The following SEMA5B variants were observed in gnomAD, a reference collection of about 807,000 sequenced individuals.
The protein encoded by SEMA5B is semaphorin 5B, also known as semaphorin-5B.
A neutral mutation model predicts 135.0 loss-of-function variants in SEMA5B; 66 were observed. The observed-to-expected ratio is 0.49, with a 90% confidence interval of 0.40 to 0.60. The LOEUF (loss-of-function observed/expected upper bound fraction) is 0.60. SEMA5B is among the 20% of genes least tolerant of loss of function. The pLI is 0.00. For synonymous variants in SEMA5B, 690 were observed against 639.5 expected (o/e 1.08, Z -1.19); for missense variants, 1,501 against 1,566.3 (o/e 0.96, Z 0.70).
chr3:122,979,737 G>C (rs773461876), intron 1 of SEMA5B, among the ~76,000 whole-genome samples: 1 of 152,154 alleles, frequency 6.6e-6, no homozygotes, highest in African/African-American at 2.4e-5. Context: ...CCCAAGGCCG[G>C]GACCGTGTTG....
chr3:123,000,080 C>A (rs1309081861), intron 1 of SEMA5B, among the ~76,000 whole-genome samples: 3 of 152,132 alleles, frequency 2.0e-5, no homozygotes, highest in African/African-American at 7.2e-5. Flanking sequence ...TGGTGGCACA[C>A]GCCTGTAGTC....
intron 5 of SEMA5B, among the ~76,000 whole-genome samples, chr3:122,931,090 A>G (rs759884233): frequency 1.3e-5 from 2 of 152,182 alleles, no homozygotes; most frequent in African/African-American, 2.4e-5. Context: ...TGATGCACAG[A>G]GTTTAAAAAG....
At chr3:123,021,764 G>A (rs937622638) in intron 1 of SEMA5B, among the ~76,000 whole-genome samples, 13 of 152,166 alleles carry the variant, frequency 8.5e-5, no homozygotes, top group African/African-American at 2.7e-4. Context: ...ATGGTCAGCC[G>A]GTAACACACA....
At chr3:123,019,487 G>A (rs550889091) in intron 1 of SEMA5B, among the ~76,000 whole-genome samples, 2 of 152,316 alleles carry the variant, frequency 1.3e-5, no homozygotes, top group African/African-American at 4.8e-5. Flanking sequence ...TACTTGGGAG[G>A]TTGAGATGGG....
chr3:122,974,920 G>A (rs1440176790), intron 1 of SEMA5B, among the ~76,000 whole-genome samples: 2 of 152,104 alleles, frequency 1.3e-5, no homozygotes, highest in Non-Finnish European at 2.9e-5. Flanking sequence ...TGCAGGCCCA[G>A]CCCCCACCCC....
Position 122,910,283 on chromosome 3 carries a change from A to C in SEMA5B, c.3316T>G (p.Leu1106Val), listed in dbSNP as rs1937622404. The C allele has an allele frequency of 1.2e-6, 2 of 1,614,036 alleles. No individual in the cohort carries two copies. Among genetic ancestry groups the C allele is most frequent in the South Asian group, 2.2e-5 (2 of 91,074 alleles). ...AAGTTGGCTCTGTCATCAGGGATCA[A>C]GTTATTCTTGTTCAGGGTCTGTGGG... ...MEFKTLNKNN[L>V]IPDDRANFYP... Residue 1106 changes from leucine (L) to valine (V), a missense_variant, in exon 23 of 23, where the codon TTG becomes GTG. By Grantham distance (32) the Leu-to-Val change is conservative. Around this residue, in one of 2 missense-constraint regions of SEMA5B, gnomAD observed 927 missense variants for 881.6 expected, o/e 1.05. Transcript: ENST00000357599.
intron 4 of SEMA5B, among the ~76,000 whole-genome samples, chr3:122,942,039 G>T (rs893030863): frequency 3.9e-5 from 6 of 152,126 alleles, no homozygotes; most frequent in Non-Finnish European, 7.3e-5. Flanking sequence ...CTTCAGTCAG[G>T]GGTCCTGCTT....
intron 11 of SEMA5B, 58 bp from the exon 12 acceptor site, chr3:122,922,180 C>A (rs1369466220): frequency 6.4e-7 from 1 of 1,566,938 alleles, no homozygotes; most frequent in Non-Finnish European, 8.7e-7. Context: ...AGCTTGCAGC[C>A]CCGCGCCGTC....
chr3:122,984,449 A>G (rs1297206142), intron 1 of SEMA5B, among the ~76,000 whole-genome samples: 1 of 152,174 alleles, frequency 6.6e-6, no homozygotes, highest in African/African-American at 2.4e-5. Context: ...GGGGCTGCCA[A>G]TATGCCCATG....
Position 122,966,857 on chromosome 3 carries a change from CTATTACTATTAT to C in SEMA5B, c.-38-5568_-38-5557del, listed in dbSNP as rs1463067862. On this transcript the variant is annotated intron_variant, in intron 1 of 22. Coordinates refer to ENST00000357599, the MANE Select transcript of SEMA5B (RefSeq NM_001031702.4). ...ACAGGCGTGAGCCACCACACCCGGC[CTATTACTATTAT>C]TATTATTATTATTATTATTATTATT... is the stretch of plus-strand genomic sequence containing the variant. Among the ~76,000 whole-genome samples the C allele has an allele frequency of 3.2e-3, 282 of 88,194 alleles. 2 individuals carry two copies. Among genetic ancestry groups the C allele is most frequent in the African/African-American group, 0.014 (187 of 13,838 alleles). The allele number at this position is 88,194 out of a possible 152,430, so 57.9% of individuals were successfully genotyped here. A position where few individuals can be genotyped will look rare whatever the true frequency, so the allele number is the denominator to read the frequency against.
intron 1 of SEMA5B, among the ~76,000 whole-genome samples, chr3:122,995,793 G>A (rs1942009935): frequency 6.6e-6 from 1 of 152,170 alleles, no homozygotes; most frequent in Non-Finnish European, 1.5e-5. Flanking sequence ...TTTGAAATGA[G>A]ACCAGATTTG....
intron 3 of SEMA5B, among the ~76,000 whole-genome samples, chr3:122,946,262 G>A (rs1371747064): frequency 6.6e-6 from 1 of 152,150 alleles, no homozygotes; most frequent in Non-Finnish European, 1.5e-5. Flanking sequence ...GAGAAACACA[G>A]CTTGGCCCCC....
intron 12 of SEMA5B, among the ~76,000 whole-genome samples, chr3:122,920,998 C>A (rs572682345): frequency 3.9e-5 from 6 of 152,234 alleles, no homozygotes; most frequent in African/African-American, 7.2e-5. Context: ...GAGACTCCCC[C>A]TCCTTGGCTG....
At position 122,915,238 on chromosome 3, in the gene SEMA5B, G is replaced by A. The variant is rs563568465; in HGVS notation, c.1988+202C>T. On this transcript the variant is annotated intron_variant, in intron 14 of 22. Transcript: ENST00000357599. ...TTGCATCAAGAGTCACCAAGAGATAGAAACTTCTCTCTCACTAGCGTGGAA... is the reference window on the plus strand; with the variant it reads ...TTGCATCAAGAGTCACCAAGAGATAAAAACTTCTCTCTCACTAGCGTGGAA... Among the ~76,000 whole-genome samples the A allele has an allele frequency of 3.3e-5, 5 of 152,342 alleles. No homozygotes were observed. In the South Asian group the frequency reaches 8.3e-4, roughly 25 times the overall value.
intron 1 of SEMA5B, among the ~76,000 whole-genome samples, chr3:122,974,045 G>A (rs1292371579): frequency 6.6e-6 from 1 of 152,200 alleles, no homozygotes; most frequent in Non-Finnish European, 1.5e-5. Flanking sequence ...TCAGTGCCCA[G>A]ATCCATCTGG....
intron 1 of SEMA5B, among the ~76,000 whole-genome samples, chr3:122,987,742 G>A (rs1941746725): frequency 3.3e-5 from 5 of 152,210 alleles, no homozygotes. Flanking sequence ...GGGACTGGGA[G>A]AAGAGAGCCA....
At chr3:122,918,510 G>T (rs996023954) in intron 12 of SEMA5B, among the ~76,000 whole-genome samples, 3 of 152,186 alleles carry the variant, frequency 2.0e-5, no homozygotes, top group East Asian at 1.9e-4. Context: ...GGCCACTTTT[G>T]TCAAGATTCC....
chr3:122,978,907 C>G (rs748668504), intron 1 of SEMA5B, among the ~76,000 whole-genome samples: 1 of 152,192 alleles, frequency 6.6e-6, no homozygotes, highest in Non-Finnish European at 1.5e-5. Flanking sequence ...GTTTCCACCC[C>G]TTCTGTGCAA....
Position 122,939,443 on chromosome 3 carries a change from G to A in SEMA5B, c.456C>T (p.Ala152=), listed in dbSNP as rs1246618561. 1 of 1,612,246 alleles carries A rather than the reference G, an allele frequency of 6.2e-7. No homozygotes were observed. The highest frequency in any genetic ancestry group is 1.3e-5 in the African/African-American group (1 of 74,888). Residue 152 remains alanine (A), a synonymous_variant, in exon 5 of 23, where the codon GCC becomes GCT. Coordinates refer to ENST00000357599, the MANE Select transcript of SEMA5B (RefSeq NM_001031702.4). Reference sequence around the variant, plus strand: ...ATCGTACCTGAAGAAGAGAGACATTGGCAAGGCTGAGTCTGAAGAGGTAGT... The same window carrying A: ...ATCGTACCTGAAGAAGAGAGACATTAGCAAGGCTGAGTCTGAAGAGGTAGT... ...ARNYLFRLSL[A]NVSLLQATEW...
Sources: allele counts gnomAD v4.1 joint callset (sites outside exome capture counted in the v4.1 genomes callset), GRCh38; gene constraint gnomAD v4.1.1; regional missense constraint gnomAD v4.1.1; transcripts MANE v1.5; gene names NCBI Gene and HGNC (gene_info 2026-07-23, HGNC 2026-07-21).